Variants in DNM3 observed in about 807,000 individuals in gnomAD.
DNM3 encodes dynamin 3, also known as dynamin-3.
DNM3 carries 47 observed loss-of-function variants against 101.6 expected under a neutral mutation model. The observed-to-expected ratio is 0.46, with a 90% CI of 0.37 to 0.59. The LOEUF is 0.59. Ranked by LOEUF, DNM3 falls within the 20% of genes least tolerant of loss-of-function variation. The pLI, the probability that DNM3 is intolerant of heterozygous loss-of-function variation, is 0.00. For synonymous variants in DNM3, 385 were observed against 387.9 expected (o/e 0.99, Z 0.09); for missense variants, 849 against 1,085.7 (o/e 0.78, Z 3.06).
At chr1:171,944,989 A>G (rs1375710536) in intron 2 of DNM3, among the ~76,000 whole-genome samples, 9 of 147,922 alleles carry the variant, frequency 6.1e-5, no homozygotes, top group African/African-American at 2.2e-4. Flanking sequence ...TCAGCCTCCC[A>G]AGTAGCTGGA....
intron 12 of DNM3, among the ~76,000 whole-genome samples, chr1:172,085,950 C>G (rs1001497160): frequency 1.3e-5 from 2 of 151,820 alleles, no homozygotes; most frequent in Non-Finnish European, 2.9e-5. Flanking sequence ...CTTTTTTTGA[C>G]TTATATGCAA....
chr1:171,888,202 G>A (rs1271174726), intron 1 of DNM3, among the ~76,000 whole-genome samples: 4 of 151,726 alleles, frequency 2.6e-5, no homozygotes, highest in Non-Finnish European at 5.9e-5. Flanking sequence ...CTTGTGAAGT[G>A]TGAAAAAAGG....
chr1:172,032,610 T>G (rs937040893), intron 5 of DNM3, 110 bp downstream of exon 5: 1 of 595,820 alleles, frequency 1.7e-6, no homozygotes, highest in Non-Finnish European at 2.8e-6. Flanking sequence ...TTTTAATGCC[T>G]TCTCAGTTGT....
intron 4 of DNM3, among the ~76,000 whole-genome samples, chr1:171,992,584 C>G (rs1558387799): frequency 1.3e-5 from 2 of 152,062 alleles, no homozygotes; most frequent in African/African-American, 4.8e-5. Context: ...CATGAACTTA[C>G]CTAAAATAAA....
chr1:171,855,819 G>A (rs775075605), intron 1 of DNM3, among the ~76,000 whole-genome samples: 1 of 152,116 alleles, frequency 6.6e-6, no homozygotes, highest in African/African-American at 2.4e-5. Flanking sequence ...CCATTCTGTA[G>A]GTGGTCTGTT....
intron 8 of DNM3, among the ~76,000 whole-genome samples, chr1:172,043,776 G>C (rs1158764406): frequency 6.6e-6 from 1 of 152,158 alleles, no homozygotes; most frequent in Non-Finnish European, 1.5e-5. Flanking sequence ...CAGAGGTCAG[G>C]GTTGAACTCA....
intron 18 of DNM3, among the ~76,000 whole-genome samples, chr1:172,382,061 T>C (rs2068940154): frequency 6.6e-6 from 1 of 152,156 alleles, no homozygotes; most frequent in Non-Finnish European, 1.5e-5. Flanking sequence ...GCCACTCAAA[T>C]CTCCATATGG....
chr1:172,207,081 G>T (rs1017377024), intron 14 of DNM3, among the ~76,000 whole-genome samples: 4 of 146,042 alleles, frequency 2.7e-5, no homozygotes, highest in Non-Finnish European at 6.0e-5. Flanking sequence ...ACACATTCTG[G>T]CTTTTGTTAT....
intron 15 of DNM3, among the ~76,000 whole-genome samples, chr1:172,267,780 T>G (rs762461363): frequency 2.0e-5 from 3 of 152,108 alleles, no homozygotes; most frequent in Non-Finnish European, 4.4e-5. Flanking sequence ...TGGCAAGATC[T>G]CTGCTCACTG....
chr1:171,898,061 T>TG (rs1380104531), intron 1 of DNM3, among the ~76,000 whole-genome samples: 1 of 152,162 alleles, frequency 6.6e-6, no homozygotes, highest in Non-Finnish European at 1.5e-5. Context: ...TATGATGCTG[T>TG]GGCATGTAGA....
At chr1:171,919,230 A>G (rs1003959412) in intron 1 of DNM3, among the ~76,000 whole-genome samples, 5 of 152,066 alleles carry the variant, frequency 3.3e-5, no homozygotes, top group South Asian at 2.1e-4. Context: ...ATAGGTATAC[A>G]CATGCCATGG....
At chr1:172,318,518 T>C (rs1399639581) in intron 16 of DNM3, among the ~76,000 whole-genome samples, 1 of 152,334 alleles carries the variant, frequency 6.6e-6, no homozygotes, top group South Asian at 2.1e-4. Flanking sequence ...CTCCTTAAGC[T>C]GATAAGCAAC....
chr1:171,965,509 G>A (rs1199132779), intron 2 of DNM3, among the ~76,000 whole-genome samples: 1 of 150,600 alleles, frequency 6.6e-6, no homozygotes, highest in Non-Finnish European at 1.5e-5. Context: ...AGCCATGATT[G>A]TTCCACTGTA....
chr1:171,875,920 T>G (rs1043070106), intron 1 of DNM3, among the ~76,000 whole-genome samples: 10 of 145,444 alleles, frequency 6.9e-5, no homozygotes, highest in South Asian at 4.4e-4. Flanking sequence ...AAGTGATTCT[T>G]GTGCCTCAGC....
At chr1:172,107,213 C>G (rs185752680) in intron 13 of DNM3, among the ~76,000 whole-genome samples, 206 of 152,206 alleles carry the variant, frequency 1.4e-3, no homozygotes, top group African/African-American at 4.7e-3. Flanking sequence ...ATTAAAATCC[C>G]TGTTGAAAGA....
At chr1:172,351,150 A>G (rs1210129463) in intron 17 of DNM3, among the ~76,000 whole-genome samples, 2 of 152,158 alleles carry the variant, frequency 1.3e-5, no homozygotes, top group Admixed American at 6.6e-5. Context: ...TTTACCATCT[A>G]TATTCTCTTG....
chr1:171,916,730 C>G (rs772212465), intron 1 of DNM3, among the ~76,000 whole-genome samples: 7 of 152,166 alleles, frequency 4.6e-5, no homozygotes, highest in African/African-American at 7.2e-5. Flanking sequence ...CAAATCTGAT[C>G]ACTTAAAACT....
intron 1 of DNM3, among the ~76,000 whole-genome samples, chr1:171,900,079 G>A (rs569967498): frequency 2.0e-5 from 3 of 152,316 alleles, no homozygotes; most frequent in South Asian, 2.1e-4. Flanking sequence ...AGTAATTTAC[G>A]AGGGCTTAAG....
intron 17 of DNM3, among the ~76,000 whole-genome samples, chr1:172,337,900 T>TAATTTA (rs2066513186): frequency 1.4e-5 from 2 of 139,144 alleles, no homozygotes; most frequent in African/African-American, 5.2e-5. Context: ...TATTTTATTT[T>TAATTTA]ATTTTATTTT....
Sources: allele counts gnomAD v4.1 joint callset (sites outside exome capture counted in the v4.1 genomes callset), GRCh38; gene constraint gnomAD v4.1.1; transcripts MANE v1.5; gene names NCBI Gene and HGNC (gene_info 2026-07-23, HGNC 2026-07-21).